The following PRICKLE1 variants were observed in gnomAD, a reference collection of about 807,000 sequenced individuals.
The protein encoded by PRICKLE1 is prickle planar cell polarity protein 1, also known as prickle-like protein 1.
A neutral mutation model predicts 70.2 loss-of-function variants in PRICKLE1; 14 were observed. The observed-to-expected ratio is 0.20, with a 90% confidence interval of 0.13 to 0.31. The LOEUF is 0.31. PRICKLE1 is among the 10% of genes least tolerant of loss of function. The probability of loss-of-function intolerance (pLI) is 1.00; values close to 1 mark genes in which losing one functional copy is unlikely to be tolerated. For missense variants in PRICKLE1, 821 were observed against 1,026.2 expected (o/e 0.80, Z 2.73); for synonymous variants, 357 against 379.9 (o/e 0.94, Z 0.70).
At chr12:42,570,411 A>G (rs940672158) in intron 1 of PRICKLE1, among the ~76,000 whole-genome samples, 16 of 152,232 alleles carry the variant, frequency 1.1e-4, no homozygotes, top group African/African-American at 3.6e-4. Flanking sequence ...AATGGCACCC[A>G]TATTTCTCTT....
intron 1 of PRICKLE1, among the ~76,000 whole-genome samples, chr12:42,500,040 C>G (rs1037192989): frequency 6.6e-6 from 1 of 152,114 alleles, no homozygotes; most frequent in Non-Finnish European, 1.5e-5. Flanking sequence ...CATGAGCCAC[C>G]GTGCCCATCC....
chr12:42,510,072 C>CA (rs1296194430), intron 1 of PRICKLE1, among the ~76,000 whole-genome samples: 5,170 of 128,374 alleles, frequency 0.04, 257 homozygotes, highest in African/African-American at 0.12. Context: ...GACTCTGTCT[C>CA]AAAAAAAAAA....
chr12:42,568,886 T>C (rs540365328), intron 1 of PRICKLE1, among the ~76,000 whole-genome samples: 26 of 152,272 alleles, frequency 1.7e-4, no homozygotes, highest in Non-Finnish European at 3.8e-4. Context: ...GAAATATGTT[T>C]TTTGATAGAA....
At chr12:42,485,101 A>G (rs1938952197) in intron 1 of PRICKLE1, among the ~76,000 whole-genome samples, 1 of 152,062 alleles carries the variant, frequency 6.6e-6, no homozygotes, top group Non-Finnish European at 1.5e-5. Flanking sequence ...ATGTGGTTCT[A>G]CAGTATACAC....
chr12:42,552,730 G>C (rs951914911), intron 1 of PRICKLE1, among the ~76,000 whole-genome samples: 1 of 152,216 alleles, frequency 6.6e-6, no homozygotes, highest in Admixed American at 6.5e-5. Flanking sequence ...TAAAGACCCT[G>C]TTTTAAATTG....
At chr12:42,565,641 G>A (rs943504468) in intron 1 of PRICKLE1, among the ~76,000 whole-genome samples, 2 of 152,106 alleles carry the variant, frequency 1.3e-5, no homozygotes, top group South Asian at 2.1e-4. Context: ...CCAATCCTGC[G>A]GGTTTATTCA....
intron 1 of PRICKLE1, chr12:42,485,594 C>T (rs570322022): frequency 3.9e-4 from 59 of 152,218 alleles, no homozygotes; most frequent in African/African-American, 1.4e-3. Context: ...AGCTACCTAC[C>T]TATAGGAGAA....
chr12:42,526,029 C>T lies in PRICKLE1; in HGVS notation c.-48-53465G>A, dbSNP rs986542289. On this transcript the variant is annotated intron_variant, in intron 1 of 7. Coordinates refer to ENST00000345127, the MANE Select transcript of PRICKLE1 (RefSeq NM_153026.3). Reference sequence around the variant, plus strand: ...TTGAAAACAGAATTAAGGGATCTTACGTGTTTGGAAACATGGAGCAGAGTG... The same window carrying T: ...TTGAAAACAGAATTAAGGGATCTTATGTGTTTGGAAACATGGAGCAGAGTG... 1.8e-4 allele frequency among the ~76,000 whole-genome samples: 27 copies of T among 152,128 alleles called. 1 individual carries two copies. Among genetic ancestry groups the T allele is most frequent in the Non-Finnish European group, 1.0e-4 (7 of 68,034 alleles).
chr12:42,523,031 G>A (rs997434872), intron 1 of PRICKLE1, among the ~76,000 whole-genome samples: 53 of 150,508 alleles, frequency 3.5e-4, no homozygotes, highest in Non-Finnish European at 6.2e-4. Context: ...GCACGATCTC[G>A]GCTCACTGCA....
chr12:42,490,344 G>A (rs1209181334), intron 1 of PRICKLE1, among the ~76,000 whole-genome samples: 1 of 152,166 alleles, frequency 6.6e-6, no homozygotes, highest in Non-Finnish European at 1.5e-5. Flanking sequence ...AAAGTTTGAG[G>A]GCCAAAAGAG....
rs201451278 is a variant in PRICKLE1, at chr12:42,514,888, T to TCTATCTATCTAC, written c.-48-42325_-48-42324insGTAGATAGATAG. Among the ~76,000 whole-genome samples the TCTATCTATCTAC allele has an allele frequency of 3.6e-4, 5 of 13,742 alleles. No individual in the cohort carries two copies. In the Admixed American group the frequency reaches 4.6e-3, roughly 13 times the overall value. The allele number at this position is 13,742 out of a possible 152,430, so 9.0% of individuals were successfully genotyped here. A position where few individuals can be genotyped will look rare whatever the true frequency, so the allele number is the denominator to read the frequency against. On this transcript the variant is annotated intron_variant, in intron 1 of 7. Transcript: ENST00000345127. ...TACTCTAACTTTTTTTAAGGCTCGC[T>TCTATCTATCTAC]CTATCTATCTATCTATCTATCTATC...
intron 7 of PRICKLE1, among the ~76,000 whole-genome samples, chr12:42,461,641 C>T (rs973528434): frequency 1.3e-5 from 2 of 152,184 alleles, no homozygotes; most frequent in African/African-American, 4.8e-5. Flanking sequence ...CTGCCTTCAA[C>T]GTGTAAAATA....
intron 1 of PRICKLE1, among the ~76,000 whole-genome samples, chr12:42,524,444 C>T (rs1939765700): frequency 3.3e-5 from 5 of 152,140 alleles, no homozygotes; most frequent in Admixed American, 3.3e-4. Context: ...GATGAAGTCT[C>T]ACTCTGTCAC....
At chr12:42,489,203 A>G (rs10219654) in intron 1 of PRICKLE1, among the ~76,000 whole-genome samples, 5,671 of 151,172 alleles carry the variant, frequency 0.038, 354 homozygotes, top group African/African-American at 0.13. Context: ...GATTACAGGC[A>G]TGAGCCACCA....
Position 42,573,364 on chromosome 12 carries a change from A to C in PRICKLE1, c.-49+16101T>G, listed in dbSNP as rs11181565. On this transcript the variant is annotated intron_variant, in intron 1 of 7. Transcript: ENST00000345127. ...TGGGCTGCTTTAGAGGCATACTCACAAACTCCTATTTATTCTTCTCTTTAT... is the reference window on the plus strand; with the variant it reads ...TGGGCTGCTTTAGAGGCATACTCACCAACTCCTATTTATTCTTCTCTTTAT... 8.0e-3 allele frequency among the ~76,000 whole-genome samples: 1,225 copies of C among 152,272 alleles called. 18 individuals are homozygous for C. Among genetic ancestry groups the C allele is most frequent in the African/African-American group, 0.028 (1,170 of 41,536 alleles).
At chr12:42,549,616 A>G (rs1318468713) in intron 1 of PRICKLE1, among the ~76,000 whole-genome samples, 2 of 152,132 alleles carry the variant, frequency 1.3e-5, no homozygotes, top group African/African-American at 4.8e-5. Flanking sequence ...CAAACCTACA[A>G]GTCCCCATAG....
intron 1 of PRICKLE1, among the ~76,000 whole-genome samples, chr12:42,503,241 C>T (rs1443759888): frequency 6.6e-6 from 1 of 152,152 alleles, no homozygotes; most frequent in Non-Finnish European, 1.5e-5. Context: ...TGCAGACTTG[C>T]ATAAATTATT....
At position 42,464,475 on chromosome 12, in the gene PRICKLE1, G is replaced by C. The variant is rs777667268; in HGVS notation, c.1559C>G (p.Ser520Cys). Residue 520 changes from serine to cysteine, a missense_variant, in exon 7 of 8, where the codon TCC becomes TGC. Transcript: ENST00000345127. The surrounding 1 kb of genome is among the most constrained non-coding windows in gnomAD (Gnocchi z 4.2). ...NHDETQWYEDSLECLSDLKPE... is the reference protein window; with the variant it reads ...NHDETQWYEDCLECLSDLKPE... ...TTTCAGGTCTGACAGACACTCCAGG[G>C]AATCTTCATACCACTGTGTTTCATC... 6.2e-7 allele frequency: 1 copy of C among 1,614,000 alleles called. No individual in the cohort carries two copies. Among genetic ancestry groups the C allele is most frequent in the Non-Finnish European group, 8.5e-7 (1 of 1,180,018 alleles).
intron 5 of PRICKLE1, among the ~76,000 whole-genome samples, chr12:42,466,792 A>C (rs1400961217): frequency 6.6e-6 from 1 of 151,484 alleles, no homozygotes; most frequent in Non-Finnish European, 1.5e-5. Context: ...GACTCAACAC[A>C]GTTATAGCTA....
Sources: gnomAD v4.1 joint callset for allele counts (sites outside exome capture counted in the v4.1 genomes callset) on GRCh38, gnomAD v4.1.1 for gene constraint, Gnocchi (gnomAD v3.1) non-coding constraint, MANE v1.5 for transcripts, NCBI Gene and HGNC (gene_info 2026-07-23, HGNC 2026-07-21) for gene names.